Variants in ZNF85 observed in about 807,000 individuals in gnomAD.
The protein encoded by ZNF85 is zinc finger protein 85, also known as zinc finger protein 85 (HPF4, HTF1).
A neutral mutation model predicts 53.9 loss-of-function variants in ZNF85; 50 were observed. That is an observed-to-expected ratio of 0.93 (90% CI 0.74 to 1.17). The LOEUF (loss-of-function observed/expected upper bound fraction) is 1.17, where lower values mean the gene tolerates loss of function less well. Among genes scored for constraint, ZNF85 ranks in the 50% most tolerant of loss-of-function variants. The pLI is 0.00. For missense variants in ZNF85, 747 were observed against 688.5 expected, an observed-to-expected ratio of 1.08 and a Z score of -0.95; for synonymous variants, 225 against 226.1, an observed-to-expected ratio of 1.00 and a Z score of 0.04.
At chr19:20,925,546 C>G (rs532941300) in intron 1 of ZNF85, among the ~76,000 whole-genome samples, 1 of 151,976 alleles carries the variant, frequency 6.6e-6, no homozygotes, top group Non-Finnish European at 1.5e-5. Context: ...ATTTTTACCC[C>G]CTGGATTCTC....
intron 3 of ZNF85, chr19:20,943,737 T>G (rs777652183): frequency 1.3e-5 from 2 of 152,216 alleles, no homozygotes; most frequent in African/African-American, 2.4e-5. Context: ...TTGTTTCACT[T>G]TTGTCAATAT....
rs1339988200 is a variant in ZNF85, at chr19:20,947,793, TTC to T, written c.230-949_230-948del. ...TTTTTGTATTTTTCACCTCCACAAT[TTC>T]TGTTTTTTGATATTTTTAATATTTT... On this transcript the variant is annotated intron_variant, in intron 3 of 3. Coordinates refer to ENST00000328178, the MANE Select transcript of ZNF85 (RefSeq NM_003429.5). Among the ~76,000 whole-genome samples the T allele has an allele frequency of 5.9e-5, 9 of 151,828 alleles. No homozygotes were observed. In the South Asian group the frequency reaches 6.2e-4, roughly 10 times the overall value.
intron 3 of ZNF85, among the ~76,000 whole-genome samples, chr19:20,941,830 T>A (rs1050971343): frequency 6.6e-6 from 1 of 152,240 alleles, no homozygotes; most frequent in Non-Finnish European, 1.5e-5. Flanking sequence ...GTCTTTTCTT[T>A]GTTGCTCATG....
intron 1 of ZNF85, chr19:20,927,149 A>C (rs1175522015): frequency 6.6e-6 from 1 of 152,140 alleles, no homozygotes; most frequent in Non-Finnish European, 1.5e-5. Context: ...AATAAACTTA[A>C]GTTTGATTAA....
intron 3 of ZNF85, chr19:20,944,067 G>A (rs1022352198): frequency 1.1e-5 from 3 of 282,630 alleles, no homozygotes; most frequent in Admixed American, 6.5e-5. Context: ...TTTATATTTT[G>A]TTTTTCATAT....
chr19:20,938,967 T>C (rs1265073083), intron 3 of ZNF85, among the ~76,000 whole-genome samples: 2 of 152,096 alleles, frequency 1.3e-5, no homozygotes, highest in Non-Finnish European at 2.9e-5. Context: ...TCATTTTGTG[T>C]AAAAATGCAT....
intron 3 of ZNF85, among the ~76,000 whole-genome samples, chr19:20,947,892 A>C (rs566224395): frequency 8.6e-5 from 13 of 151,936 alleles, no homozygotes; most frequent in Admixed American, 8.5e-4. Context: ...ATATTATTCA[A>C]GTTTTTCAAA....
chr19:20,949,875 A>G lies in ZNF85; in HGVS notation c.1361A>G (p.Tyr454Cys), dbSNP rs377445263. The G allele has an allele frequency of 1.6e-5, 26 of 1,612,868 alleles. No individual in the cohort carries two copies. Among genetic ancestry groups the G allele is most frequent in the Middle Eastern group, 3.3e-4 (2 of 6,050 alleles). Residue 454 changes from tyrosine to cysteine, a missense_variant, in exon 4 of 4, where the codon TAT becomes TGT. By Grantham distance (194) the Tyr-to-Cys change is radical. Coordinates refer to ENST00000328178, the MANE Select transcript of ZNF85 (RefSeq NM_003429.5). ...AAAATTCATACTGGAGAGAAACCCTATGAATGTGAAAAATGTGGCAAAGCT... is the reference window on the plus strand; with the variant it reads ...AAAATTCATACTGGAGAGAAACCCTGTGAATGTGAAAAATGTGGCAAAGCT... ...HKKIHTGEKP[Y>C]ECEKCGKAFN...
chr19:20,927,233 C>T (rs757874279), intron 1 of ZNF85: 11 of 152,196 alleles, frequency 7.2e-5, no homozygotes, highest in Middle Eastern at 3.4e-3. Context: ...ATGGGCATTT[C>T]ACCTGAGGTC....
chr19:20,933,975 G>A lies in ZNF85; in HGVS notation c.4-49G>A, dbSNP rs749401347. On this transcript the variant is annotated intron_variant, in intron 1 of 3. Coordinates refer to ENST00000328178, the MANE Select transcript of ZNF85 (RefSeq NM_003429.5). The stretch of plus-strand genomic sequence containing the variant: ...GGTAATTATGTGTGTGTGTGTGTGT[G>A]TGTGTGTGTGTGTGTGTGTGTGTAT... The A allele has an allele frequency of 1.3e-5, 14 of 1,113,016 alleles. No individual in the cohort carries two copies. In the East Asian group the frequency reaches 1.5e-4, roughly 12 times the overall value. The allele number at this position is 1,113,016 out of a possible 1,614,324, so 68.9% of individuals were successfully genotyped here. A position where few individuals can be genotyped will look rare whatever the true frequency, so the allele number is the denominator to read the frequency against.
At chr19:20,937,858 G>C (rs1302334990) in intron 3 of ZNF85, among the ~76,000 whole-genome samples, 1 of 152,208 alleles carries the variant, frequency 6.6e-6, no homozygotes, top group African/African-American at 2.4e-5. Flanking sequence ...CTGTGGCTGG[G>C]AGGAGTTTGG....
Position 20,950,096 on chromosome 19 carries a change from C to G in ZNF85, c.1582C>G (p.His528Asp). ...TAACCAATCCTCAAAACTTACCAAA[C>G]ATAAGAAAATTCATACTGGAGAGAA... is the stretch of plus-strand genomic sequence containing the variant. ...AFNQSSKLTK[H>D]KKIHTGEKPY... Residue 528 changes from histidine to aspartate, a missense_variant, in exon 4 of 4, where the codon CAT becomes GAT. Transcript: ENST00000328178. 6.2e-7 allele frequency: 1 copy of G among 1,613,266 alleles called. No individual in the cohort carries two copies. The highest frequency in any genetic ancestry group is 8.5e-7 in the Non-Finnish European group (1 of 1,179,778).
In ZNF85 at chr19:20,947,910, G is replaced by C. The variant is rs1320028605; in HGVS notation, c.230-834G>C. 2.6e-5 allele frequency among the ~76,000 whole-genome samples: 4 copies of C among 151,804 alleles called. No homozygotes were observed. The East Asian group carries it at 7.7e-4, about 29-fold the overall frequency. Reference sequence around the variant, plus strand: ...TTATTCAAGTTTTTCAAACTAATTTGTATATCTTTATTTTTAATGATAGCT... The same window carrying C: ...TTATTCAAGTTTTTCAAACTAATTTCTATATCTTTATTTTTAATGATAGCT... On this transcript the variant is annotated intron_variant, in intron 3 of 3. Coordinates refer to ENST00000328178, the MANE Select transcript of ZNF85 (RefSeq NM_003429.5).
intron 3 of ZNF85, among the ~76,000 whole-genome samples, chr19:20,935,771 A>G (rs1158291597): frequency 6.6e-6 from 1 of 151,890 alleles, no homozygotes; most frequent in Admixed American, 6.6e-5. Flanking sequence ...GCTGTTCTCA[A>G]ACTCCCAACC....
chr19:20,931,620 C>CTTTTTTTT (rs1156835317), intron 1 of ZNF85, among the ~76,000 whole-genome samples: 191 of 119,420 alleles, frequency 1.6e-3, no homozygotes, highest in East Asian at 1.9e-3. Flanking sequence ...TTTTCTTTTT[C>CTTTTTTTT]TTTTTTTTTT....
At chr19:20,939,682 A>G (rs112274610) in intron 3 of ZNF85, among the ~76,000 whole-genome samples, 1,806 of 152,246 alleles carry the variant, frequency 0.012, 34 homozygotes, top group African/African-American at 0.034. Context: ...CAAATCAGCC[A>G]TATGTCTATA....
At chr19:20,934,847 A>T in intron 2 of ZNF85, 102 bp from the exon 3 acceptor site, 1 of 607,952 alleles carries the variant, frequency 1.6e-6, no homozygotes. Context: ...AATGTCTGTT[A>T]TAAATTAGTA....
At chr19:20,926,738 G>GT (rs948585939) in intron 1 of ZNF85, 3 of 152,256 alleles carry the variant, frequency 2.0e-5, no homozygotes. Context: ...GGCAGATGCA[G>GT]TTAAGGTTAA....
At chr19:20,946,841 A>T (rs1973434205) in intron 3 of ZNF85, among the ~76,000 whole-genome samples, 1 of 151,634 alleles carries the variant, frequency 6.6e-6, no homozygotes. Flanking sequence ...ATCGCAACTG[A>T]CTCTTGTAGA....
Sources: allele counts gnomAD v4.1 joint callset (sites outside exome capture counted in the v4.1 genomes callset), GRCh38; gene constraint gnomAD v4.1.1; transcripts MANE v1.5; gene names NCBI Gene and HGNC (gene_info 2026-07-23, HGNC 2026-07-21).